Variants in NR3C2 observed in about 807,000 individuals in gnomAD.
NR3C2 encodes nuclear receptor subfamily 3 group C member 2.
NR3C2 carries 15 observed loss-of-function variants against 86.4 expected under a neutral mutation model. The ratio of observed to expected loss-of-function variants is 0.17; its 90% CI spans 0.12 to 0.27. The LOEUF (loss-of-function observed/expected upper bound fraction) is 0.27. NR3C2 is among the 10% of genes least tolerant of loss of function. The pLI, the probability that NR3C2 is intolerant of heterozygous loss-of-function variation, is 1.00. For synonymous variants in NR3C2, 458 were observed against 450.5 expected, an observed-to-expected ratio of 1.02 and a Z score of -0.21; for missense variants, 960 against 1,195.6, an observed-to-expected ratio of 0.80 and a Z score of 2.91.
At chr4:148,245,123 T>C (rs1739256066) in intron 3 of NR3C2, among the ~76,000 whole-genome samples, 1 of 152,230 alleles carries the variant, frequency 6.6e-6, no homozygotes, top group Non-Finnish European at 1.5e-5. Context: ...TTTTATATAC[T>C]ATTTCATCAA....
At chr4:148,186,460 T>A (rs574951189) in intron 4 of NR3C2, among the ~76,000 whole-genome samples, 1 of 152,280 alleles carries the variant, frequency 6.6e-6, no homozygotes, top group South Asian at 2.1e-4. Context: ...TTTCTCAACT[T>A]TTTGCTTTTA....
At chr4:148,405,900 T>C (rs1018830459) in intron 2 of NR3C2, among the ~76,000 whole-genome samples, 1 of 152,084 alleles carries the variant, frequency 6.6e-6, no homozygotes, top group African/African-American at 2.4e-5. Context: ...TTCCAGAAGT[T>C]TGGGAGGCAG....
intron 2 of NR3C2, among the ~76,000 whole-genome samples, chr4:148,284,666 G>A (rs1311546238): frequency 6.6e-6 from 1 of 152,142 alleles, no homozygotes; most frequent in African/African-American, 2.4e-5. Context: ...TTTGTATCTT[G>A]TGAGCCAAGC....
intron 2 of NR3C2, among the ~76,000 whole-genome samples, chr4:148,334,258 A>G (rs1042645890): frequency 2.6e-5 from 4 of 152,216 alleles, no homozygotes; most frequent in Non-Finnish European, 4.4e-5. Context: ...ACTTACACAA[A>G]TGGACCAGGC....
At chr4:148,097,556 T>C (rs982347884) in intron 8 of NR3C2, among the ~76,000 whole-genome samples, 1 of 152,182 alleles carries the variant, frequency 6.6e-6, no homozygotes, top group African/African-American at 2.4e-5. Context: ...CACATAGCAT[T>C]AGATACTGAC....
intron 2 of NR3C2, among the ~76,000 whole-genome samples, chr4:148,314,752 T>C (rs990922537): frequency 1.3e-5 from 2 of 152,182 alleles, no homozygotes; most frequent in Non-Finnish European, 2.9e-5. Context: ...AAAATTGAAA[T>C]TGAAAGACTT....
Position 148,170,508 on chromosome 4 carries a change from GAAAAAAA to G in NR3C2, c.2015-15614_2015-15608del, listed in dbSNP as rs1402793269. 1.2e-4 allele frequency among the ~76,000 whole-genome samples: 18 copies of G among 151,854 alleles called. 1 individual carries two copies. The South Asian group carries it at 3.7e-3, about 32-fold the overall frequency. On this transcript the variant is annotated intron_variant, in intron 4 of 8. Coordinates refer to ENST00000358102, the MANE Select transcript of NR3C2 (RefSeq NM_000901.5). The stretch of plus-strand genomic sequence containing the variant: ...AACATTTGCACTTCTGACACTGCTT[GAAAAAAA>G]ATTTTTTTTGAATCTGGCAATACCT...
chr4:148,136,747 A>T (rs1010411646), intron 6 of NR3C2, among the ~76,000 whole-genome samples: 5 of 151,816 alleles, frequency 3.3e-5, no homozygotes, highest in African/African-American at 1.2e-4. Flanking sequence ...CCAAGATTCG[A>T]GGGGTTCTCC....
At chr4:148,420,650 C>G (rs1749237465) in intron 2 of NR3C2, among the ~76,000 whole-genome samples, 1 of 152,124 alleles carries the variant, frequency 6.6e-6, no homozygotes, top group Admixed American at 6.6e-5. Flanking sequence ...ATCTCTGTCC[C>G]CACCCAAACC....
intron 2 of NR3C2, among the ~76,000 whole-genome samples, chr4:148,396,932 A>AT (rs975224387): frequency 1.5e-4 from 23 of 150,016 alleles, no homozygotes; most frequent in Admixed American, 2.7e-4. Context: ...TGTTTTGCTC[A>AT]TTTTTTTTTT....
intron 6 of NR3C2, among the ~76,000 whole-genome samples, chr4:148,151,399 T>C (rs1213047824): frequency 6.6e-6 from 1 of 152,230 alleles, no homozygotes; most frequent in Admixed American, 6.5e-5. Flanking sequence ...TGCAAGTCAG[T>C]TGTTTGGCCT....
chr4:148,427,985 G>A lies in NR3C2; in HGVS notation c.1757+7119C>T, dbSNP rs189115686. 8.9e-4 allele frequency among the ~76,000 whole-genome samples: 135 copies of A among 152,312 alleles called. 2 individuals carry two copies. The highest frequency in any genetic ancestry group is 6.7e-3 in the Admixed American group (103 of 15,298). ...ATCTGAATAAACAAAGTCTGATGAA[G>A]AATGGGGTGCTTACACAGTTTCAAA... On this transcript the variant is annotated intron_variant, in intron 2 of 8. Coordinates refer to ENST00000358102, the MANE Select transcript of NR3C2 (RefSeq NM_000901.5).
rs1316688913 is a variant in NR3C2 at position 148,436,016 on chromosome 4, T to A, written c.845A>T (p.Lys282Ile). The A allele has an allele frequency of 6.2e-7, 1 of 1,614,056 alleles. No homozygotes were observed. Among genetic ancestry groups the A allele is most frequent in the East Asian group, 2.2e-5 (1 of 44,878 alleles). Residue 282 changes from lysine (K) to isoleucine (I), a missense_variant, in exon 2 of 9, where the codon AAA becomes ATA. By Grantham distance (102) the Lys-to-Ile change is moderately radical. This residue lies in a region of NR3C2 where 680 missense variants were observed against 719.0 expected (regional missense o/e 0.95). Coordinates refer to ENST00000358102, the MANE Select transcript of NR3C2 (RefSeq NM_000901.5). ...ATTATTGGGACTGGAGACTGGAGATTTTACACTGCAGTGACTTGGAGGGCT... is the reference window on the plus strand; with the variant it reads ...ATTATTGGGACTGGAGACTGGAGATATTACACTGCAGTGACTTGGAGGGCT... ...ISSPPSHCSVKSPVSSPNNVT... is the reference protein window; with the variant it reads ...ISSPPSHCSVISPVSSPNNVT...
At chr4:148,161,890 C>T (rs903239202) in intron 4 of NR3C2, among the ~76,000 whole-genome samples, 1 of 152,140 alleles carries the variant, frequency 6.6e-6, no homozygotes, top group Middle Eastern at 3.2e-3. Context: ...GGGTCACTGG[C>T]ATTTACAATA....
intron 3 of NR3C2, among the ~76,000 whole-genome samples, chr4:148,205,613 C>T (rs961195149): frequency 1.3e-5 from 2 of 152,190 alleles, no homozygotes; most frequent in African/African-American, 2.4e-5. Context: ...CCAGTTACAG[C>T]ACTGGGAAGA....
intron 3 of NR3C2, among the ~76,000 whole-genome samples, chr4:148,213,302 G>A (rs147030229): frequency 5.3e-5 from 8 of 152,146 alleles, no homozygotes; most frequent in African/African-American, 1.9e-4. Flanking sequence ...TTTAAAATCA[G>A]TATAATAAAA....
At chr4:148,170,457 T>C (rs1183544950) in intron 4 of NR3C2, among the ~76,000 whole-genome samples, 1 of 151,994 alleles carries the variant, frequency 6.6e-6, no homozygotes, top group Non-Finnish European at 1.5e-5. Flanking sequence ...CATTTTCATC[T>C]TTCAAAATTT....
chr4:148,111,174 GAGTTGAACAGGC>G (rs1356957396), intron 8 of NR3C2, among the ~76,000 whole-genome samples: 2 of 152,182 alleles, frequency 1.3e-5, no homozygotes, highest in African/African-American at 4.8e-5. Flanking sequence ...ATGAGCCAAA[GAGTTGAACAGGC>G]ACTTCACCAA....
chr4:148,375,412 C>A (rs1746625241), intron 2 of NR3C2, among the ~76,000 whole-genome samples: 1 of 151,270 alleles, frequency 6.6e-6, no homozygotes, highest in African/African-American at 2.4e-5. Flanking sequence ...GCTGAGATTG[C>A]ACCACTGCAC....
Sources: gnomAD v4.1 joint callset for allele counts (sites outside exome capture counted in the v4.1 genomes callset) on GRCh38, gnomAD v4.1.1 for gene constraint, gnomAD v4.1.1 regional missense constraint, MANE v1.5 for transcripts, NCBI Gene and HGNC (gene_info 2026-07-23, HGNC 2026-07-21) for gene names.